CEP57: variants seen among roughly 807,000 people sequenced by gnomAD.
CEP57 encodes centrosomal protein of 57 kDa.
In CEP57, 40 loss-of-function variants were observed where a neutral mutation model predicts 68.0. The ratio of observed to expected loss-of-function variants is 0.59; its 90% CI spans 0.46 to 0.77. The LOEUF (loss-of-function observed/expected upper bound fraction) is 0.77, where lower values mean the gene tolerates loss of function less well. Ranked by LOEUF, CEP57 falls within the 30% of genes least tolerant of loss-of-function variation. The pLI, the probability that CEP57 is intolerant of heterozygous loss-of-function variation, is 0.00. For synonymous variants in CEP57, 219 were observed against 198.7 expected (o/e 1.10, Z -0.86); for missense variants, 606 against 580.7 (o/e 1.04, Z -0.45).
At chr11:95,812,730 G>A (rs991445136) in intron 2 of CEP57, among the ~76,000 whole-genome samples, 9 of 152,006 alleles carry the variant, frequency 5.9e-5, no homozygotes, top group South Asian at 2.1e-4. Context: ...GTGAGCCACC[G>A]CACCCGGCCC....
chr11:95,813,599 G>A lies in CEP57; in HGVS notation c.504+10G>A. On this transcript the variant is annotated intron_variant, in intron 4 of 10. Transcript: ENST00000325542. ...TGTCTTAGAGAAACAAGTAAGTAAA[G>A]CACCTCACAGATTGATACTCAAGAA... is the stretch of plus-strand genomic sequence containing the variant. The A allele has an allele frequency of 6.2e-7, 1 of 1,612,150 alleles. No homozygotes were observed. Among genetic ancestry groups the A allele is most frequent in the East Asian group, 2.2e-5 (1 of 44,808 alleles).
chr11:95,796,808 T>C (rs1861368551), intron 1 of CEP57, among the ~76,000 whole-genome samples: 1 of 152,154 alleles, frequency 6.6e-6, no homozygotes, highest in African/African-American at 2.4e-5. Context: ...CTACAAATTA[T>C]GGGATTCCTG....
chr11:95,822,155 T>C, intron 7 of CEP57, 177 bp downstream of exon 7: 1 of 622,490 alleles, frequency 1.6e-6, no homozygotes, highest in Non-Finnish European at 2.9e-6. Flanking sequence ...ATCCTGATAG[T>C]GAGAAAATAT....
At chr11:95,801,418 C>A (rs1591051099) in intron 2 of CEP57, among the ~76,000 whole-genome samples, 1 of 102,684 alleles carries the variant, frequency 9.7e-6, no homozygotes, top group Admixed American at 1.1e-4. Flanking sequence ...AATTAAGTTG[C>A]ATGACATTCA....
At chr11:95,795,170 G>A (rs915690855) in intron 1 of CEP57, among the ~76,000 whole-genome samples, 2 of 152,122 alleles carry the variant, frequency 1.3e-5, no homozygotes, top group African/African-American at 4.8e-5. Flanking sequence ...TGAATTTCTA[G>A]CTTAATTTGG....
intron 2 of CEP57, among the ~76,000 whole-genome samples, chr11:95,809,941 A>T (rs1056884833): frequency 6.6e-6 from 1 of 152,220 alleles, no homozygotes; most frequent in South Asian, 2.1e-4. Context: ...CATTGATGCA[A>T]AAATCCTCAA....
rs1471791891 is a variant in CEP57 at position 95,830,430 on chromosome 11, G to A, written c.1273-596G>A. On this transcript the variant is annotated intron_variant, in intron 10 of 10. Transcript: ENST00000325542. ...TTATACTAATTAGACTTATTCTATT[G>A]GAACACCAACATGCCAGCATCAGTT... is the stretch of plus-strand genomic sequence containing the variant. Among the ~76,000 whole-genome samples, 4 of 152,014 alleles carry A rather than the reference G, an allele frequency of 2.6e-5. No individual in the cohort carries two copies. The East Asian group carries it at 7.7e-4, about 29-fold the overall frequency.
chr11:95,818,717 C>A, intron 5 of CEP57, 110 bp from the exon 6 acceptor site: 1 of 813,572 alleles, frequency 1.2e-6, no homozygotes, highest in Non-Finnish European at 2.1e-6. Flanking sequence ...GTGATCTAAC[C>A]ACCTTATATT....
chr11:95,802,067 C>G (rs1012755976), intron 2 of CEP57, among the ~76,000 whole-genome samples: 2 of 151,860 alleles, frequency 1.3e-5, no homozygotes, highest in Admixed American at 1.3e-4. Context: ...GAACAAAGAC[C>G]AAGAGAGTTC....
At chr11:95,815,497 C>G (rs956981031) in intron 4 of CEP57, among the ~76,000 whole-genome samples, 2 of 145,496 alleles carry the variant, frequency 1.4e-5, no homozygotes, top group African/African-American at 4.9e-5. Flanking sequence ...TATTGATTCT[C>G]CCTTATGGTA....
At chr11:95,817,933 A>T (rs748530471) in intron 5 of CEP57, 30 bp downstream of exon 5, 2 of 1,360,936 alleles carry the variant, frequency 1.5e-6, no homozygotes, top group Admixed American at 1.7e-5. Flanking sequence ...TATTGTTAAC[A>T]TATATCAGGG....
intron 3 of CEP57, 83 bp from the exon 4 acceptor site, chr11:95,813,385 A>G: frequency 3.3e-6 from 5 of 1,524,238 alleles, no homozygotes; most frequent in South Asian, 2.3e-5. Flanking sequence ...TTGTATACAC[A>G]ATAGATCCAA....
intron 2 of CEP57, among the ~76,000 whole-genome samples, chr11:95,803,519 A>G (rs535309989): frequency 5.3e-5 from 8 of 152,222 alleles, no homozygotes; most frequent in African/African-American, 1.9e-4. Context: ...CAAGACAGCA[A>G]TATTAGAGAA....
Position 95,805,666 on chromosome 11 carries a change from A to G in CEP57, c.202+6278A>G, listed in dbSNP as rs183067126. The stretch of plus-strand genomic sequence containing the variant: ...AATGATTCTAAATAATTACTTGGAA[A>G]TGTTTTAAGATTTATATAATATAGG... On this transcript the variant is annotated intron_variant, in intron 2 of 10. Transcript: ENST00000325542. Among the ~76,000 whole-genome samples the G allele has an allele frequency of 2.9e-3, 445 of 152,320 alleles. 4 individuals carry two copies. The highest frequency in any genetic ancestry group is 0.01 in the African/African-American group (427 of 41,590).
chr11:95,793,990 G>A (rs1861221083), intron 1 of CEP57, among the ~76,000 whole-genome samples: 1 of 152,058 alleles, frequency 6.6e-6, no homozygotes, highest in Admixed American at 6.6e-5. Context: ...CCACGTTTGT[G>A]GTAGACTAGA....
intron 1 of CEP57, 31 bp downstream of exon 1, chr11:95,790,774 C>T (rs1860997413): frequency 1.9e-6 from 3 of 1,612,844 alleles, no homozygotes; most frequent in Non-Finnish European, 1.7e-6. Context: ...GTGGGCCCCA[C>T]GTCGGCCCTA....
intron 4 of CEP57, among the ~76,000 whole-genome samples, chr11:95,815,915 C>T (rs1374758084): frequency 6.6e-6 from 1 of 152,200 alleles, no homozygotes; most frequent in African/African-American, 2.4e-5. Context: ...TGTACCCTGG[C>T]TCCAATATTG....
At chr11:95,790,997 C>T (rs974560461) in intron 1 of CEP57, among the ~76,000 whole-genome samples, 3 of 152,238 alleles carry the variant, frequency 2.0e-5, no homozygotes, top group Non-Finnish European at 4.4e-5. Context: ...TAGCAACCAA[C>T]CCCGGTTGCC....
chr11:95,828,049 TA>T (rs746890325), intron 9 of CEP57, 22 bp downstream of exon 9: 1 of 1,601,970 alleles, frequency 6.2e-7, no homozygotes, highest in Non-Finnish European at 8.5e-7. Context: ...TTTTTTTTTT[TA>T]AATTCAGTTT....
Sources: allele counts gnomAD v4.1 joint callset (sites outside exome capture counted in the v4.1 genomes callset), GRCh38; gene constraint gnomAD v4.1.1; transcripts MANE v1.5; gene names NCBI Gene and HGNC (gene_info 2026-07-23, HGNC 2026-07-21).